MRC1: variants seen among roughly 807,000 people sequenced by gnomAD.
MRC1 encodes mannose receptor C-type 1, also known as macrophage mannose receptor 1.
Under a neutral mutation model 102.9 loss-of-function variants are expected in MRC1, and 62 were observed. The observed-to-expected ratio is 0.60, with a 90% confidence interval of 0.49 to 0.74. MRC1 has a LOEUF of 0.74. Ranked by LOEUF, MRC1 falls within the 30% of genes least tolerant of loss-of-function variation. The probability of loss-of-function intolerance (pLI) is 0.00; values close to 1 mark genes in which losing one functional copy is unlikely to be tolerated. For synonymous variants in MRC1, 457 were observed against 298.4 expected, an observed-to-expected ratio of 1.53 and a Z score of -5.48; for missense variants, 1,237 against 862.8, an observed-to-expected ratio of 1.43 and a Z score of -5.43.
At chr10:17,883,743 G>A (rs1833550981) in intron 21 of MRC1, among the ~76,000 whole-genome samples, 1 of 152,228 alleles carries the variant, frequency 6.6e-6, no homozygotes, top group African/African-American at 2.4e-5. Flanking sequence ...TTGTTCAGTA[G>A]AGTAGGTACT....
chr10:17,854,237 C>G (rs1355264150), intron 8 of MRC1, among the ~76,000 whole-genome samples: 5 of 152,282 alleles, frequency 3.3e-5, no homozygotes, highest in Non-Finnish European at 5.9e-5. Flanking sequence ...CAGGCGTGAG[C>G]CACTGTGCCA....
chr10:17,817,117 G>A (rs1554837950), intron 1 of MRC1, among the ~76,000 whole-genome samples: 1 of 152,016 alleles, frequency 6.6e-6, no homozygotes, highest in Admixed American at 6.6e-5. Flanking sequence ...GTGTGTGGTG[G>A]CACATGCCTA....
chr10:17,888,689 T>C (rs1227859576), intron 22 of MRC1, among the ~76,000 whole-genome samples: 3 of 152,340 alleles, frequency 2.0e-5, no homozygotes, highest in African/African-American at 7.2e-5. Context: ...CAGAATATGG[T>C]CTGTCTTGGT....
chr10:17,809,830 C>A (rs968173789), intron 1 of MRC1, among the ~76,000 whole-genome samples: 1 of 152,140 alleles, frequency 6.6e-6, no homozygotes, highest in Non-Finnish European at 1.5e-5. Context: ...CTGTTTTCTT[C>A]GTGCAGAAAT....
In MRC1 at chr10:17,866,703, C is replaced by G; in HGVS notation, c.1925C>G (p.Pro642Arg). The change falls in exon 12 of 30, where the codon CCC becomes CGC. Residue 642 changes from proline to arginine, a missense_variant. Coordinates refer to ENST00000569591, the MANE Select transcript of MRC1 (RefSeq NM_002438.4). The part of the protein sequence containing the change: ...VTHPPKPTTT[P>R]EPKCPEDWGA... ...CACCCACCGAAGCCCACGACGACTC[C>G]CGAACCCAAATGTCCGGAGGATTGG... 1.0e-5 allele frequency: 8 copies of G among 780,816 alleles called. No homozygotes were observed. The highest frequency in any genetic ancestry group is 1.4e-5 in the Non-Finnish European group (6 of 417,962). 48.4% of individuals were successfully genotyped at this position (780,816 alleles called of 1,614,324 possible).
At chr10:17,860,026 G>A (rs1833159555) in intron 9 of MRC1, among the ~76,000 whole-genome samples, 1 of 152,130 alleles carries the variant, frequency 6.6e-6, no homozygotes, top group East Asian at 1.9e-4. Flanking sequence ...AAGGACCTCG[G>A]TTCCAACTCC....
chr10:17,879,892 G>A (rs1184327757), intron 19 of MRC1, 71 bp downstream of exon 19: 7 of 780,004 alleles, frequency 9.0e-6, no homozygotes, highest in Non-Finnish European at 1.7e-5. Context: ...TAGACTAAAA[G>A]TAGCAAGTTG....
At chr10:17,816,657 T>C (rs1838317868) in intron 1 of MRC1, among the ~76,000 whole-genome samples, 1 of 152,196 alleles carries the variant, frequency 6.6e-6, no homozygotes, top group Admixed American at 6.5e-5. Flanking sequence ...GGGGCCTGCA[T>C]GCACCTAAAC....
chr10:17,909,893 C>T (rs1161308044), intron 29 of MRC1, among the ~76,000 whole-genome samples: 1 of 151,942 alleles, frequency 6.6e-6, no homozygotes, highest in Non-Finnish European at 1.5e-5. Context: ...ATTATCATTA[C>T]TAATCTACTT....
intron 8 of MRC1, among the ~76,000 whole-genome samples, chr10:17,855,571 CAAAAAA>C (rs35692453): frequency 1.1e-3 from 47 of 42,088 alleles, no homozygotes; most frequent in Non-Finnish European, 1.5e-3. Context: ...GACTCCGTCT[CAAAAAA>C]AAAAAAAAAA....
At chr10:17,882,383 G>A (rs1432727658) in intron 21 of MRC1, among the ~76,000 whole-genome samples, 1 of 151,808 alleles carries the variant, frequency 6.6e-6, no homozygotes, top group African/African-American at 2.4e-5. Context: ...CATTGTTACA[G>A]AACAATGGCT....
At chr10:17,863,049 C>A (rs977813952) in intron 10 of MRC1, 1 of 156,362 alleles carries the variant, frequency 6.4e-6, no homozygotes, top group Non-Finnish European at 1.4e-5. Context: ...TGTTTCAGAG[C>A]TGAAATATGA....
intron 1 of MRC1, among the ~76,000 whole-genome samples, chr10:17,822,213 C>T (rs966480446): frequency 6.6e-6 from 1 of 152,288 alleles, no homozygotes; most frequent in South Asian, 2.1e-4. Flanking sequence ...AAGTTATTCT[C>T]ATAAAATATT....
chr10:17,908,566 T>TTTTG (rs1833926825), intron 28 of MRC1, among the ~76,000 whole-genome samples: 1 of 151,750 alleles, frequency 6.6e-6, no homozygotes, highest in African/African-American at 2.4e-5. Flanking sequence ...TGTTTTATTT[T>TTTTG]TTTTGTTTTG....
intron 25 of MRC1, among the ~76,000 whole-genome samples, chr10:17,901,417 G>A (rs963023119): frequency 3.3e-5 from 5 of 152,188 alleles, no homozygotes; most frequent in Non-Finnish European, 7.3e-5. Context: ...GGCCGGGTGC[G>A]GTGGCTCACC....
intron 1 of MRC1, 75 bp from the exon 2 acceptor site, chr10:17,822,999 A>G (rs1838418338): frequency 5.3e-6 from 4 of 759,208 alleles, no homozygotes; most frequent in Middle Eastern, 5.4e-4. Flanking sequence ...GACCTAAAAG[A>G]TCGTCCTTGT....
At position 17,870,263 on chromosome 10, in the gene MRC1, A is replaced by G. The variant is rs1298987287; in HGVS notation, c.2001A>G (p.Lys667=). The G allele has an allele frequency of 2.6e-6, 2 of 780,414 alleles. No individual in the cohort carries two copies. Among genetic ancestry groups the G allele is most frequent in the African/African-American group, 1.7e-5 (1 of 59,132 alleles). The allele number at this position is 780,414 out of a possible 1,614,324, so 48.3% of individuals were successfully genotyped here. ...SLCFKLYAKG[K]HEKKTWFESR... ...ATCTTCAGCTGTATGCAAAAGGAAA[A>G]CATGAGAAGAAAACGTGGTTTGAAT... is the stretch of plus-strand genomic sequence containing the variant. The change falls in exon 13 of 30, where the codon AAA becomes AAG. Residue 667 remains lysine, a synonymous_variant. Transcript: ENST00000569591.
At chr10:17,815,121 C>T (rs1160004960) in intron 1 of MRC1, among the ~76,000 whole-genome samples, 2 of 152,106 alleles carry the variant, frequency 1.3e-5, no homozygotes, top group African/African-American at 4.8e-5. Context: ...CTCTTCTAAG[C>T]ACTTTATTTA....
At position 17,900,935 on chromosome 10, in the gene MRC1, C is replaced by T. The variant is rs976641411; in HGVS notation, c.3631C>T (p.Leu1211Phe). 1 of 780,498 alleles carries T rather than the reference C, an allele frequency of 1.3e-6. No homozygotes were observed. 48.3% of individuals were successfully genotyped at this position (780,498 alleles called of 1,614,324 possible). A position where few individuals can be genotyped will look rare whatever the true frequency, so the allele number is the denominator to read the frequency against. Residue 1211 changes from leucine (L) to phenylalanine (F), a missense_variant, in exon 25 of 30, where the codon CTC becomes TTC. By Grantham distance (22) the Leu-to-Phe change is conservative. Coordinates refer to ENST00000569591, the MANE Select transcript of MRC1 (RefSeq NM_002438.4). ...ACATTGCAATGAAAGTTTTTACTTT[C>T]TCTGTAAAAGATCAGATGGTAATTG... ...TAHCNESFYF[L>F]CKRSDEIPAT... is the part of the protein sequence containing the mutation.
Sources: allele counts gnomAD v4.1 joint callset (sites outside exome capture counted in the v4.1 genomes callset), GRCh38; gene constraint gnomAD v4.1.1; transcripts MANE v1.5; gene names NCBI Gene and HGNC (gene_info 2026-07-23, HGNC 2026-07-21).